CIROZ: variants seen among roughly 807,000 people sequenced by gnomAD.
CIROZ encodes ciliated left-right organizer ZP-N domains-containing protein.
At chr1:10,963,757 A>G in the CIROZ span, among the ~76,000 whole-genome samples, 1 of 152,114 alleles carries the variant, frequency 6.6e-6, no homozygotes, top group African/African-American at 2.4e-5. Context: ...AAGCATCCAA[A>G]CTAGCAAATT....
chr1:10,980,522 G>C, the CIROZ span, among the ~76,000 whole-genome samples: 1 of 152,244 alleles, frequency 6.6e-6, no homozygotes, highest in Admixed American at 6.5e-5. Context: ...TGGTCTTGAA[G>C]GAAGGTTCTC....
chr1:10,949,725 C>A, the CIROZ span: 1 of 1,593,674 alleles, frequency 6.3e-7, no homozygotes, highest in Non-Finnish European at 8.5e-7. Flanking sequence ...GCAGGTGGCA[C>A]TCCCGCTGGA....
chr1:10,952,302 G>A, the CIROZ span, among the ~76,000 whole-genome samples: 1 of 152,132 alleles, frequency 6.6e-6, no homozygotes, highest in Non-Finnish European at 1.5e-5. Context: ...AACAAAATGA[G>A]GAAGAGAACA....
At chr1:10,961,623 G>A in the CIROZ span, among the ~76,000 whole-genome samples, 3 of 152,092 alleles carry the variant, frequency 2.0e-5, no homozygotes, top group Admixed American at 2.0e-4. Flanking sequence ...AGCAGCACAG[G>A]GCTGGGCATA....
chr1:10,967,456 C>T, the CIROZ span, among the ~76,000 whole-genome samples: 40 of 152,344 alleles, frequency 2.6e-4, no homozygotes, highest in East Asian at 5.8e-3. Flanking sequence ...CCCACCCTGA[C>T]TACCCTCTTA....
the CIROZ span, chr1:10,976,337 C>CA: frequency 9.8e-6 from 7 of 711,278 alleles, no homozygotes; most frequent in Non-Finnish European, 1.5e-5. Flanking sequence ...CATTATATTT[C>CA]TTTTTTTTTT....
chr1:10,958,864 G>C, the CIROZ span: 1 of 1,070,582 alleles, frequency 9.3e-7, no homozygotes. Context: ...AGGCCGGTGA[G>C]AGAGCTGTGC....
At chr1:10,947,256 G>A in the CIROZ span, among the ~76,000 whole-genome samples, 2 of 152,222 alleles carry the variant, frequency 1.3e-5, no homozygotes, top group Middle Eastern at 3.2e-3. Flanking sequence ...TCACCCTGAT[G>A]CTTCACCACC....
At chr1:10,949,196 C>T in the CIROZ span, 14 of 250,696 alleles carry the variant, frequency 5.6e-5, no homozygotes, top group South Asian at 1.4e-3. Context: ...TGGACTCCAG[C>T]CTGGATGACA....
At chr1:10,948,048 G>A in the CIROZ span, 1 of 1,613,336 alleles carries the variant, frequency 6.2e-7, no homozygotes, top group Non-Finnish European at 8.5e-7. Flanking sequence ...CAGGGGCGCT[G>A]CCAGCCTCAC....
At chr1:10,966,016 C>T in the CIROZ span, among the ~76,000 whole-genome samples, 9 of 152,206 alleles carry the variant, frequency 5.9e-5, no homozygotes, top group East Asian at 1.5e-3. Flanking sequence ...CTGAGGCAAG[C>T]CTGTGGGTGT....
the CIROZ span, among the ~76,000 whole-genome samples, chr1:10,971,062 G>A: frequency 2.8e-4 from 1 of 3,598 alleles, no homozygotes; most frequent in Non-Finnish European, 6.7e-4. Flanking sequence ...GAGGCGGAAA[G>A]ACTGTGAGCT....
chr1:10,954,183 C>T, the CIROZ span: 1 of 1,588,956 alleles, frequency 6.3e-7, no homozygotes, highest in South Asian at 1.1e-5. Flanking sequence ...TGGCTGGGCG[C>T]AGTGGCTCAC....
At chr1:10,959,830 G>T in the CIROZ span, among the ~76,000 whole-genome samples, 1 of 152,226 alleles carries the variant, frequency 6.6e-6, no homozygotes, top group Non-Finnish European at 1.5e-5. This position sits in a 1 kb window ranked among gnomAD's most constrained non-coding sequence, Gnocchi z 4.3. Context: ...CAGCAGGCTC[G>T]GGCTGCCCAC....
At chr1:10,951,063 T>C in the CIROZ span, among the ~76,000 whole-genome samples, 1 of 152,214 alleles carries the variant, frequency 6.6e-6, no homozygotes, top group East Asian at 1.9e-4. Flanking sequence ...TGGGTGTTCT[T>C]ATCCTCCCCA....
the CIROZ span, among the ~76,000 whole-genome samples, chr1:10,980,845 C>G: frequency 2.0e-5 from 3 of 152,264 alleles, no homozygotes; most frequent in Admixed American, 6.5e-5. Flanking sequence ...TCCCCCAAAG[C>G]TGAGCCCCCT....
the CIROZ span, among the ~76,000 whole-genome samples, chr1:10,950,563 C>T: frequency 2.6e-5 from 4 of 152,200 alleles, no homozygotes; most frequent in Admixed American, 2.6e-4. Flanking sequence ...CATTCCAGGC[C>T]GATCATGCTT....
chr1:10,973,564 C>G, the CIROZ span, among the ~76,000 whole-genome samples: 1 of 152,098 alleles, frequency 6.6e-6, no homozygotes, highest in Non-Finnish European at 1.5e-5. Context: ...CTGTACAACC[C>G]CACGAGGAAA....
the CIROZ span, chr1:10,955,255 G>C: frequency 8.3e-6 from 12 of 1,451,040 alleles, no homozygotes; most frequent in South Asian, 1.2e-4. Flanking sequence ...ATTAAGTGGT[G>C]GTGGGCCTTT....
Sources: gnomAD v4.1 joint callset for allele counts (sites outside exome capture counted in the v4.1 genomes callset) on GRCh38, gnomAD v4.1.1 for gene constraint, Gnocchi (gnomAD v3.1) non-coding constraint, MANE v1.5 for transcripts, NCBI Gene and HGNC (gene_info 2026-07-23, HGNC 2026-07-21) for gene names.